RBFOX1: variants seen among roughly 807,000 people sequenced by gnomAD.
RBFOX1 encodes the protein RNA binding fox-1 homolog 1.
In RBFOX1, 8 loss-of-function variants were observed where a neutral mutation model predicts 57.7. The ratio of observed to expected loss-of-function variants is 0.14; its 90% CI spans 0.08 to 0.25. The LOEUF (loss-of-function observed/expected upper bound fraction) is 0.25. RBFOX1 is among the 10% of genes least tolerant of loss of function. RBFOX1 has a pLI of 1.00. For missense variants in RBFOX1, 611 were observed against 548.5 expected (o/e 1.11, Z -1.14); for synonymous variants, 326 against 222.4 (o/e 1.47, Z -4.15).
intron 4 of RBFOX1, among the ~76,000 whole-genome samples, chr16:7,393,301 T>C (rs1308758667): frequency 6.6e-6 from 1 of 152,210 alleles, no homozygotes; most frequent in Non-Finnish European, 1.5e-5. Context: ...AGTTTGTGTC[T>C]GGGAAGATGG....
At chr16:5,366,020 C>A in intron 1 of RBFOX1, 1 of 494,926 alleles carries the variant, frequency 2.0e-6, no homozygotes, top group Non-Finnish European at 4.0e-6. Flanking sequence ...TAAAGTAACA[C>A]TGGCAGCTTT....
chr16:6,808,247 C>G (rs1378171213), intron 3 of RBFOX1, among the ~76,000 whole-genome samples: 2 of 150,742 alleles, frequency 1.3e-5, no homozygotes, highest in African/African-American at 4.9e-5. Context: ...CCTTTATATT[C>G]TACTGATGCC....
At chr16:7,454,079 A>G (rs766710743) in intron 4 of RBFOX1, among the ~76,000 whole-genome samples, 60 of 152,308 alleles carry the variant, frequency 3.9e-4, no homozygotes, top group Middle Eastern at 3.4e-3. Context: ...CTAAAAATAC[A>G]AAAATTAGCT....
intron 4 of RBFOX1, among the ~76,000 whole-genome samples, chr16:5,900,634 A>G (rs1334866102): frequency 1.3e-5 from 2 of 152,166 alleles, no homozygotes; most frequent in Non-Finnish European, 2.9e-5. Context: ...TAGCCCAGCA[A>G]TCTGTTTCTG....
chr16:6,697,348 C>A (rs957701519), intron 3 of RBFOX1, among the ~76,000 whole-genome samples: 27 of 152,216 alleles, frequency 1.8e-4, no homozygotes, highest in African/African-American at 6.0e-4. Context: ...ATTAAGTATT[C>A]CACCAGCCAG....
At position 5,663,451 on chromosome 16, in the gene RBFOX1, C is replaced by T. The variant is rs138936527; in HGVS notation, c.318+64490C>T. Among the ~76,000 whole-genome samples the T allele has an allele frequency of 7.9e-5, 12 of 152,002 alleles. No individual in the cohort carries two copies. In the East Asian group the frequency reaches 2.3e-3, roughly 30 times the overall value. On this transcript the variant is annotated intron_variant, in intron 3 of 19. Coordinates refer to the RBFOX1 transcript ENST00000641259. The stretch of plus-strand genomic sequence containing the variant: ...AACTCCTGGCCTCAAGCTATCCTCC[C>T]ACTTCAGCCCCCGAAAATGCTGGTA...
chr16:7,062,283 A>C (rs2153748275), intron 4 of RBFOX1, among the ~76,000 whole-genome samples: 1 of 133,878 alleles, frequency 7.5e-6, no homozygotes, highest in Middle Eastern at 4.2e-3. Context: ...ATGCCACTGC[A>C]CTCCAGTCTG....
chr16:5,847,634 T>C (rs1183026137), intron 3 of RBFOX1, among the ~76,000 whole-genome samples: 1 of 152,204 alleles, frequency 6.6e-6, no homozygotes, highest in East Asian at 1.9e-4. Flanking sequence ...TTGTTCTTTC[T>C]GGAGACTTTT....
intron 3 of RBFOX1, among the ~76,000 whole-genome samples, chr16:6,999,206 A>ATTT (rs1220412235): frequency 2.8e-5 from 2 of 72,124 alleles, no homozygotes; most frequent in African/African-American, 1.2e-4. Flanking sequence ...TTTATTTTTT[A>ATTT]TTTTTATTTA....
chr16:5,864,918 T>TC (rs1567643987), intron 3 of RBFOX1, among the ~76,000 whole-genome samples: 2 of 152,264 alleles, frequency 1.3e-5, no homozygotes, highest in Non-Finnish European at 2.9e-5. Context: ...TTAGTCATTA[T>TC]ACTTTTTAAA....
intron 4 of RBFOX1, among the ~76,000 whole-genome samples, chr16:7,462,640 A>T (rs1348783655): frequency 6.6e-6 from 1 of 152,204 alleles, no homozygotes; most frequent in Admixed American, 6.5e-5. Context: ...TTTGTTTCTT[A>T]CTAGGGGTTG....
chr16:6,880,667 C>T (rs781124271), intron 3 of RBFOX1, among the ~76,000 whole-genome samples: 1 of 152,118 alleles, frequency 6.6e-6, no homozygotes, highest in Admixed American at 6.5e-5. Flanking sequence ...GTAAAGAAAT[C>T]TAGATAAAAA....
chr16:5,953,099 G>T, intron 4 of RBFOX1, among the ~76,000 whole-genome samples: 1 of 137,002 alleles, frequency 7.3e-6, no homozygotes, highest in Non-Finnish European at 1.6e-5. Flanking sequence ...TGTAGATTCT[G>T]TGTCAATTGG....
intron 4 of RBFOX1, among the ~76,000 whole-genome samples, chr16:7,261,608 GAAT>G (rs2094922450): frequency 6.6e-6 from 1 of 152,136 alleles, no homozygotes; most frequent in South Asian, 2.1e-4. Context: ...AGGCAGTATA[GAAT>G]GAGGCTCAGG....
chr16:6,707,009 A>C (rs1203037112), intron 3 of RBFOX1, among the ~76,000 whole-genome samples: 1 of 152,182 alleles, frequency 6.6e-6, no homozygotes, highest in Admixed American at 6.5e-5. Flanking sequence ...CACAGAGAAG[A>C]AAATAGTATA....
intron 2 of RBFOX1, among the ~76,000 whole-genome samples, chr16:6,592,516 G>A (rs1301268051): frequency 6.6e-6 from 1 of 152,290 alleles, no homozygotes; most frequent in Non-Finnish European, 1.5e-5. Context: ...GTACATTTAG[G>A]TTAGGATAGT....
At chr16:7,570,921 T>C (rs1488342585) in intron 5 of RBFOX1, among the ~76,000 whole-genome samples, 2 of 152,206 alleles carry the variant, frequency 1.3e-5, no homozygotes, top group African/African-American at 2.4e-5. Flanking sequence ...AAGAAGATTA[T>C]GTTCTTTGCA....
chr16:6,750,895 T>A (rs183487405), intron 3 of RBFOX1, among the ~76,000 whole-genome samples: 1 of 152,194 alleles, frequency 6.6e-6, no homozygotes, highest in South Asian at 2.1e-4. Flanking sequence ...GATACAGTAG[T>A]GTTTTCTTCA....
chr16:7,519,833 T>A, intron 5 of RBFOX1: 5 of 635,910 alleles, frequency 7.9e-6, no homozygotes, highest in Non-Finnish European at 9.8e-6. Flanking sequence ...TGACTAACTT[T>A]GCTACTTGCC....
Sources: gnomAD v4.1 joint callset for allele counts (sites outside exome capture counted in the v4.1 genomes callset) on GRCh38, gnomAD v4.1.1 for gene constraint, MANE v1.5 for transcripts, NCBI Gene and HGNC (gene_info 2026-07-23, HGNC 2026-07-21) for gene names.